KALRN: variants seen among roughly 807,000 people sequenced by gnomAD.
KALRN encodes kalirin.
A neutral mutation model predicts 353.7 loss-of-function variants in KALRN; 70 were observed. That is an observed-to-expected ratio of 0.20 (90% CI 0.16 to 0.24). The LOEUF is 0.24. KALRN is among the 10% of genes least tolerant of loss of function. KALRN has a pLI of 1.00. For synonymous variants in KALRN, 1,391 were observed against 1,434.8 expected (o/e 0.97, Z 0.69); for missense variants, 2,791 against 3,756.7 (o/e 0.74, Z 6.72).
At chr3:124,256,158 G>A (rs2071945780) in intron 3 of KALRN, among the ~76,000 whole-genome samples, 1 of 152,192 alleles carries the variant, frequency 6.6e-6, no homozygotes, top group Non-Finnish European at 1.5e-5. Context: ...AGAAGTTCAG[G>A]AAGAAGAGAT....
At chr3:124,416,771 A>T (rs909306190) in intron 14 of KALRN, among the ~76,000 whole-genome samples, 1 of 152,280 alleles carries the variant, frequency 6.6e-6, no homozygotes, top group African/African-American at 2.4e-5. Flanking sequence ...GACTGAGGCA[A>T]TAAATGGCTT....
In KALRN at chr3:124,079,961, G is replaced by A. The variant is rs199908754; in HGVS notation, c.73+46148G>A. On this transcript the variant is annotated intron_variant, in intron 1 of 59. Transcript: ENST00000682506. Reference sequence around the variant, plus strand: ...TTTGTCTTCAGGTTAAACAGTCATAGTTCCATATTTATTATTCTGATGTCA... The same window carrying A: ...TTTGTCTTCAGGTTAAACAGTCATAATTCCATATTTATTATTCTGATGTCA... 15 of 463,350 alleles carry A rather than the reference G, an allele frequency of 3.2e-5. No homozygotes were observed. In the East Asian group the frequency reaches 1.1e-3, roughly 32 times the overall value. 28.7% of individuals were successfully genotyped at this position (463,350 alleles called of 1,614,324 possible).
At chr3:124,426,100 C>G (rs1040891106) in intron 15 of KALRN, among the ~76,000 whole-genome samples, 1 of 152,180 alleles carries the variant, frequency 6.6e-6, no homozygotes, top group South Asian at 2.1e-4. Flanking sequence ...GGGACTGCTG[C>G]TTGGTTAAGC....
At chr3:124,651,224 G>A (rs1010209221) in intron 38 of KALRN, among the ~76,000 whole-genome samples, 3 of 152,322 alleles carry the variant, frequency 2.0e-5, no homozygotes, top group Middle Eastern at 3.4e-3. Flanking sequence ...AAGGAAAATG[G>A]CAAAGTTGAG....
chr3:124,342,759 G>T lies in KALRN; in HGVS notation c.1648-4384G>T, dbSNP rs115850274. Among the ~76,000 whole-genome samples the T allele has an allele frequency of 5.8e-3, 881 of 152,176 alleles. 5 individuals carry two copies. Among genetic ancestry groups the T allele is most frequent in the Non-Finnish European group, 9.3e-3 (631 of 68,010 alleles). ...AGTACTATTTCCCATTCCAGTTCAG[G>T]GGCACAAATCACTGTCACTTATGCC... On this transcript the variant is annotated intron_variant, in intron 9 of 59. Coordinates refer to ENST00000682506, the MANE Select transcript of KALRN (RefSeq NM_001388419.1).
chr3:124,163,485 C>A, intron 1 of KALRN: 1 of 424,936 alleles, frequency 2.4e-6, no homozygotes, highest in South Asian at 9.9e-5. Context: ...AATGTGAAAG[C>A]AGTTTGAAGA....
chr3:124,231,155 A>G (rs2079111083), intron 2 of KALRN, among the ~76,000 whole-genome samples: 2 of 152,144 alleles, frequency 1.3e-5, no homozygotes, highest in African/African-American at 2.4e-5. Context: ...GCAGCCCAGA[A>G]GCTTCTGCAT....
intron 10 of KALRN, among the ~76,000 whole-genome samples, chr3:124,375,258 A>G (rs2086430715): frequency 6.6e-6 from 1 of 152,212 alleles, no homozygotes; most frequent in African/African-American, 2.4e-5. Flanking sequence ...TCCAGTCTTC[A>G]GAGCTCCGTG....
At position 124,724,384 on chromosome 3, in the gene KALRN, C is replaced by T. The variant is rs534280486; in HGVS notation, c.*4914C>T. The T allele has an allele frequency of 1.3e-5, 2 of 152,170 alleles. No homozygotes were observed. Among genetic ancestry groups the T allele is most frequent in the East Asian group, 3.9e-4 (2 of 5,174 alleles). 9.4% of individuals were successfully genotyped at this position (152,170 alleles called of 1,614,324 possible). A position where few individuals can be genotyped will look rare whatever the true frequency, so the allele number is the denominator to read the frequency against. ...TTCTTCCTTTCTCTCCTGGGTCGCA[C>T]CTCTGTGGAGTCTGGGTTAGACAAA... is the stretch of plus-strand genomic sequence containing the variant. On this transcript the variant is annotated 3_prime_UTR_variant, in exon 60 of 60. Transcript: ENST00000682506.
At chr3:124,622,305 T>G (rs7616881) in intron 34 of KALRN, among the ~76,000 whole-genome samples, 65,771 of 151,926 alleles carry the variant, frequency 0.43, 14,500 homozygotes, top group Middle Eastern at 0.57. Context: ...GTATTACGAT[T>G]AACACCAGGT....
intron 4 of KALRN, among the ~76,000 whole-genome samples, chr3:124,267,057 G>T (rs2073644441): frequency 6.6e-6 from 1 of 152,152 alleles, no homozygotes; most frequent in Non-Finnish European, 1.5e-5. Flanking sequence ...AGAGATAGCT[G>T]GGGGCCTCCC....
intron 37 of KALRN, among the ~76,000 whole-genome samples, chr3:124,645,248 T>C (rs935364121): frequency 6.6e-6 from 1 of 152,210 alleles, no homozygotes; most frequent in African/African-American, 2.4e-5. Context: ...GATGGATAGA[T>C]TGCAAAAATT....
intron 10 of KALRN, among the ~76,000 whole-genome samples, chr3:124,376,013 A>G (rs1010695840): frequency 6.6e-6 from 1 of 152,198 alleles, no homozygotes; most frequent in African/African-American, 2.4e-5. Flanking sequence ...AGTTCTAAAA[A>G]TATGCCTTTT....
At chr3:124,488,110 A>G (rs2062754134) in intron 28 of KALRN, 94 bp from the exon 29 acceptor site, 1 of 718,690 alleles carries the variant, frequency 1.4e-6, no homozygotes. Flanking sequence ...CATTACAGAG[A>G]GCGAAGCTGG....
At chr3:124,687,555 G>T (rs775764996) in intron 51 of KALRN, among the ~76,000 whole-genome samples, 10 of 151,920 alleles carry the variant, frequency 6.6e-5, no homozygotes, top group Non-Finnish European at 1.3e-4. Context: ...GGTAAAGGGG[G>T]ATATTTGGAC....
At position 124,286,331 on chromosome 3, in the gene KALRN, G is replaced by A. The variant is rs539888981; in HGVS notation, c.970-12460G>A. Among the ~76,000 whole-genome samples the A allele has an allele frequency of 8.5e-4, 124 of 145,182 alleles. 1 individual carries two copies. The Middle Eastern group carries it at 0.01, about 12-fold the overall frequency. On this transcript the variant is annotated intron_variant, in intron 5 of 59. Transcript: ENST00000682506. ...TTTCCCTTTTTGTGCTGCAAACTCCGCCTTCTGGTTTCAAGCAATTCTCCC... is the reference window on the plus strand; with the variant it reads ...TTTCCCTTTTTGTGCTGCAAACTCCACCTTCTGGTTTCAAGCAATTCTCCC...
rs190059540 is a variant in KALRN, at chr3:124,590,982, C to T, written c.5182+27893C>T. Among the ~76,000 whole-genome samples the T allele has an allele frequency of 1.2e-3, 179 of 152,292 alleles. 1 individual carries two copies. In the Middle Eastern group the frequency reaches 0.017, roughly 14 times the overall value. ...TCCTGGGCATGTGGCTTGTCTTCGT[C>T]TGAACAGAGGCAGGACTGACCCAAC... is the stretch of plus-strand genomic sequence containing the variant. On this transcript the variant is annotated intron_variant, in intron 34 of 59. Transcript: ENST00000682506.
intron 15 of KALRN, among the ~76,000 whole-genome samples, chr3:124,427,853 G>A (rs2093092816): frequency 1.3e-5 from 2 of 152,162 alleles, no homozygotes; most frequent in African/African-American, 4.8e-5. Flanking sequence ...AACCTATTAG[G>A]TAAATTGTTG....
chr3:124,500,534 A>C (rs757198830), intron 33 of KALRN, among the ~76,000 whole-genome samples: 22 of 152,222 alleles, frequency 1.4e-4, no homozygotes, highest in Non-Finnish European at 3.1e-4. Flanking sequence ...TGTTTTCTTA[A>C]GCTGTAAATC....
Sources: gnomAD v4.1 joint callset for allele counts (sites outside exome capture counted in the v4.1 genomes callset) on GRCh38, gnomAD v4.1.1 for gene constraint, MANE v1.5 for transcripts, NCBI Gene and HGNC (gene_info 2026-07-23, HGNC 2026-07-21) for gene names.